The following DMD variants were observed in gnomAD, a reference collection of about 807,000 sequenced individuals.
DMD encodes dystrophin, also known as mutant dystrophin.
In DMD, 63 loss-of-function variants were observed where a neutral mutation model predicts 330.1. The observed-to-expected ratio is 0.19, with a 90% CI of 0.16 to 0.24. DMD has a LOEUF of 0.24. Among genes scored for constraint, DMD ranks in the 10% least tolerant of loss-of-function variants. The pLI is 1.00. For missense variants in DMD, 3,344 were observed against 2,684.1 expected, an observed-to-expected ratio of 1.25 and a Z score of -5.43; for synonymous variants, 1,223 against 959.8, an observed-to-expected ratio of 1.27 and a Z score of -5.07.
At chrX:32,002,513 T>G (rs753574565) in intron 44 of DMD, among the ~76,000 whole-genome samples, 1 of 112,032 alleles carries the variant, frequency 8.9e-6, no homozygotes, top group South Asian at 3.7e-4. Context: ...AATCTCAAAA[T>G]TGAAGAAGTG....
At chrX:32,764,308 A>G (rs2072696597) in intron 7 of DMD, among the ~76,000 whole-genome samples, 2 of 111,608 alleles carry the variant, frequency 1.8e-5, no homozygotes, top group South Asian at 7.4e-4. Context: ...TAAAATATAT[A>G]TAACATAAAA....
intron 44 of DMD, 90 bp downstream of exon 44, chrX:32,216,826 T>C: frequency 1.2e-6 from 1 of 851,548 alleles, no homozygotes; most frequent in Non-Finnish European, 1.7e-6. Flanking sequence ...GTAATTTCCA[T>C]CACCCTTCAG....
intron 36 of DMD, 27 bp from the exon 37 acceptor site, chrX:32,362,985 CT>C: frequency 8.4e-7 from 1 of 1,184,448 alleles, no homozygotes; most frequent in Non-Finnish European, 1.1e-6. Context: ...AGAGATAGGA[CT>C]TGAAGTTAGT....
intron 68 of DMD, among the ~76,000 whole-genome samples, chrX:31,181,027 C>T (rs996187236): frequency 8.9e-6 from 1 of 112,074 alleles, no homozygotes; most frequent in Middle Eastern, 4.6e-3. Context: ...AACAGTTACT[C>T]GAATGAACTC....
chrX:33,126,792 G>A (rs2095467886), intron 1 of DMD, among the ~76,000 whole-genome samples: 2 of 111,409 alleles, frequency 1.8e-5, no homozygotes, highest in Admixed American at 9.6e-5. Context: ...TAAATAGGTC[G>A]GTAAACATTG....
intron 48 of DMD, among the ~76,000 whole-genome samples, chrX:31,845,267 C>A (rs774226094): frequency 6.4e-5 from 7 of 110,074 alleles, no homozygotes; most frequent in Non-Finnish European, 1.1e-4. Context: ...AGTTCCATTG[C>A]CAAAAGGCGG....
Position 32,731,667 on chromosome X carries a change from G to A in DMD, c.650-32374C>T, listed in dbSNP as rs776332149. On this transcript the variant is annotated intron_variant, in intron 7 of 78. Coordinates refer to ENST00000357033, the MANE Select transcript of DMD (RefSeq NM_004006.3). Reference sequence around the variant, plus strand: ...AAAGGGGCATACTGACACCTCACACGGCAGGGTACTCCAACAGACCTGCAG... The same window carrying A: ...AAAGGGGCATACTGACACCTCACACAGCAGGGTACTCCAACAGACCTGCAG... 3.9e-4 allele frequency among the ~76,000 whole-genome samples: 43 copies of A among 111,606 alleles called. No individual in the cohort carries two copies. In the South Asian group the frequency reaches 9.5e-3, roughly 25 times the overall value.
Position 32,566,269 on chromosome X carries a change from G to A in DMD, c.1813-388C>T, listed in dbSNP as rs186287422. On this transcript the variant is annotated intron_variant, in intron 15 of 78. Coordinates refer to ENST00000357033, the MANE Select transcript of DMD (RefSeq NM_004006.3). Reference sequence around the variant, plus strand: ...CCTTAATTCCTGACGGAATTCAAACGAAAACTGACAATCAGGTACCAGGAG... The same window carrying A: ...CCTTAATTCCTGACGGAATTCAAACAAAAACTGACAATCAGGTACCAGGAG... 6.9e-3 allele frequency among the ~76,000 whole-genome samples: 778 copies of A among 111,965 alleles called. 3 individuals are homozygous for A. Among genetic ancestry groups the A allele is most frequent in the African/African-American group, 0.024 (746 of 30,816 alleles).
chrX:32,331,718 G>A (rs2097681075), intron 41 of DMD, among the ~76,000 whole-genome samples: 3 of 111,404 alleles, frequency 2.7e-5, no homozygotes, highest in African/African-American at 9.8e-5. Flanking sequence ...AAATAATTGT[G>A]AATAGTAAGT....
chrX:32,014,912 G>T (rs2095748048), intron 44 of DMD, among the ~76,000 whole-genome samples: 1 of 112,007 alleles, frequency 8.9e-6, no homozygotes, highest in Non-Finnish European at 1.9e-5. Context: ...ACTACTGAAG[G>T]TAAAATCAAA....
chrX:32,790,493 T>TA lies in DMD; in HGVS notation c.649+18999dup, dbSNP rs940639511. Reference sequence around the variant, plus strand: ...CTGGGTTCCACAAACTCTAGAGTCCTAAGCAGCTGCAACATGGCCTGGTTT... The same window carrying TA: ...CTGGGTTCCACAAACTCTAGAGTCCTAAAGCAGCTGCAACATGGCCTGGTTT... On this transcript the variant is annotated intron_variant, in intron 7 of 78. Transcript: ENST00000357033. 1.1e-4 allele frequency among the ~76,000 whole-genome samples: 12 copies of TA among 111,710 alleles called. 1 individual carries two copies. The highest frequency in any genetic ancestry group is 1.0e-3 in the Admixed American group (11 of 10,525).
chrX:31,952,547 G>A (rs1205371298), intron 45 of DMD, among the ~76,000 whole-genome samples: 3 of 106,949 alleles, frequency 2.8e-5, no homozygotes, highest in African/African-American at 1.0e-4. Context: ...ATTTTCATTT[G>A]GTTCTTTTAT....
intron 1 of DMD, among the ~76,000 whole-genome samples, chrX:33,172,217 A>G (rs188988491): frequency 9.9e-4 from 110 of 111,372 alleles, no homozygotes; most frequent in African/African-American, 3.4e-3. Flanking sequence ...TATTTTCTGC[A>G]TAATTCCCCG....
intron 55 of DMD, among the ~76,000 whole-genome samples, chrX:31,607,616 CA>C (rs1447332609): frequency 8.9e-6 from 1 of 112,314 alleles, no homozygotes; most frequent in Non-Finnish European, 1.9e-5. Context: ...TTGAAAGGCT[CA>C]AATTTGATTA....
intron 1 of DMD, among the ~76,000 whole-genome samples, chrX:33,024,494 G>A (rs1423512095): frequency 1.8e-5 from 2 of 111,545 alleles, no homozygotes; most frequent in Non-Finnish European, 3.8e-5. Context: ...TTCTCTCTAC[G>A]GGGAAATCCC....
At chrX:32,370,113 A>G (rs1299119789) in intron 34 of DMD, among the ~76,000 whole-genome samples, 1 of 111,444 alleles carries the variant, frequency 9.0e-6, no homozygotes, top group African/African-American at 3.3e-5. Context: ...AAGAAAAGGA[A>G]TACATTGCCA....
Position 32,033,611 on chromosome X carries a change from A to C in DMD, c.6439-65097T>G, listed in dbSNP as rs866501167. Among the ~76,000 whole-genome samples, 443 of 49,079 alleles carry C rather than the reference A, an allele frequency of 9.0e-3. 3 individuals are homozygous for C. The highest frequency in any genetic ancestry group is 0.011 in the Non-Finnish European group (320 of 29,350). The allele number at this position is 49,079 out of a possible 115,157, so 42.6% of individuals were successfully genotyped here. ...CAAGACAGACAGACAGACAGAAAGA[A>C]AGAAAGAAAGAAAGAAAGAAAGAAA... On this transcript the variant is annotated intron_variant, in intron 44 of 78. Coordinates refer to ENST00000357033, the MANE Select transcript of DMD (RefSeq NM_004006.3).
chrX:32,731,551 G>A (rs551600412), intron 7 of DMD, among the ~76,000 whole-genome samples: 185 of 112,353 alleles, frequency 1.6e-3, no homozygotes, highest in South Asian at 8.5e-3. Flanking sequence ...CTCCCAGTAC[G>A]CAGCTGGAGA....
chrX:32,636,185 T>A (rs1294402569), intron 11 of DMD, among the ~76,000 whole-genome samples: 1 of 112,244 alleles, frequency 8.9e-6, no homozygotes, highest in African/African-American at 3.2e-5. Context: ...CAGCACCTTC[T>A]TTCCCAACAC....
Sources: allele counts gnomAD v4.1 joint callset (sites outside exome capture counted in the v4.1 genomes callset), GRCh38; gene constraint gnomAD v4.1.1; transcripts MANE v1.5; gene names NCBI Gene and HGNC (gene_info 2026-07-23, HGNC 2026-07-21).